Variants in OR4F15 observed in about 807,000 individuals in gnomAD.
OR4F15 encodes the protein olfactory receptor 4F15.
OR4F15 carries 7 observed loss-of-function variants against 11.9 expected under a neutral mutation model. The ratio of observed to expected loss-of-function variants is 0.59; its 90% confidence interval spans 0.33 to 1.10. The LOEUF (loss-of-function observed/expected upper bound fraction) is 1.10, where lower values mean the gene tolerates loss of function less well. Ranked by LOEUF, OR4F15 falls within the 50% of genes least tolerant of loss-of-function variation. The pLI is 0.03. For synonymous variants in OR4F15, 151 were observed against 134.6 expected, an observed-to-expected ratio of 1.12 and a Z score of -0.84; for missense variants, 445 against 377.5, an observed-to-expected ratio of 1.18 and a Z score of -1.48.
chr15:101,818,791 A>G lies in OR4F15; in HGVS notation c.605A>G (p.Asn202Ser), dbSNP rs1903049672. ...TQELEFMVTV[N>S]SGLISVGSFV... ...GAACTGGAGTTCATGGTCACTGTCA[A>G]TAGTGGACTCATTTCTGTGGGCTCC... Residue 202 changes from asparagine to serine, a missense_variant, in exon 2 of 2, where the codon AAT becomes AGT. Physicochemically the swap from Asn to Ser is conservative, Grantham distance 46. Coordinates refer to ENST00000332238, the MANE Select transcript of OR4F15 (RefSeq NM_001001674.2). 3.1e-6 allele frequency: 5 copies of G among 1,614,114 alleles called. No individual in the cohort carries two copies. Among genetic ancestry groups the G allele is most frequent in the Non-Finnish European group, 4.2e-6 (5 of 1,179,998 alleles).
intron 1 of OR4F15, among the ~76,000 whole-genome samples, chr15:101,817,408 CTGAT>C (rs761875913): frequency 1.8e-4 from 28 of 152,282 alleles, no homozygotes; most frequent in East Asian, 5.8e-4. Context: ...TATTATGTGA[CTGAT>C]TGTGTTGGTC....
intron 1 of OR4F15, 32 bp from the exon 2 acceptor site, chr15:101,818,118 G>T (rs1292774472): frequency 1.0e-5 from 10 of 997,612 alleles, no homozygotes; most frequent in Non-Finnish European, 1.5e-5. Context: ...ACTTGCCTAG[G>T]TAATTCTTTC....
chr15:101,813,515 A>G (rs551887017), intron 1 of OR4F15, among the ~76,000 whole-genome samples: 77 of 151,972 alleles, frequency 5.1e-4, no homozygotes, highest in African/African-American at 1.8e-3. Context: ...TCTCAAAAAA[A>G]AAAAAAAAAA....
Position 101,818,656 on chromosome 15 carries a change from T to G in OR4F15, c.470T>G (p.Leu157Trp), listed in dbSNP as rs1903045548. 6.2e-7 allele frequency: 1 copy of G among 1,614,146 alleles called. No homozygotes were observed. The highest frequency in any genetic ancestry group is 8.5e-7 in the Non-Finnish European group (1 of 1,179,972). Reference sequence around the variant, plus strand: ...TCTATCATTGGCCTTATCCACTCATTGGTCCAATTAGTTTTTGTGGTAGAT... The same window carrying G: ...TCTATCATTGGCCTTATCCACTCATGGGTCCAATTAGTTTTTGTGGTAGAT... ...TSSIIGLIHS[L>W]VQLVFVVDLP... Residue 157 changes from leucine (L) to tryptophan (W), a missense_variant, in exon 2 of 2, where the codon TTG (leucine) becomes TGG (tryptophan). By Grantham distance (61) the Leu-to-Trp change is moderately conservative. Transcript: ENST00000332238.
Position 101,819,939 on chromosome 15 carries a change from G to A in OR4F15, c.*814G>A, listed in dbSNP as rs767914770. On this transcript the variant is annotated 3_prime_UTR_variant, in exon 2 of 2. Coordinates refer to ENST00000332238, the MANE Select transcript of OR4F15 (RefSeq NM_001001674.2). ...TCTTTGGCCATCTACAAAATTGTTA[G>A]TCCTATATTTAGAATATTCAAATTT... 6.6e-6 allele frequency: 1 copy of A among 152,116 alleles called. No homozygotes were observed. The highest frequency in any genetic ancestry group is 2.4e-5 in the African/African-American group (1 of 41,428). The allele number at this position is 152,116 out of a possible 1,614,324, so 9.4% of individuals were successfully genotyped here.
chr15:101,817,252 A>G (rs560613066), intron 1 of OR4F15, among the ~76,000 whole-genome samples: 2 of 152,342 alleles, frequency 1.3e-5, no homozygotes, highest in East Asian at 3.9e-4. Context: ...CAGGATTGAA[A>G]TAGGGATACT....
Position 101,819,136 on chromosome 15 carries a change from T to C in OR4F15, c.*11T>C, listed in dbSNP as rs1170125046. 1 of 1,542,294 alleles carries C rather than the reference T, an allele frequency of 6.5e-7. No individual in the cohort carries two copies. Among genetic ancestry groups the C allele is most frequent in the Non-Finnish European group, 8.8e-7 (1 of 1,132,024 alleles). The stretch of plus-strand genomic sequence containing the variant: ...ACAAAGATTTTGTAAATGGCTTGGC[T>C]GTCAAGATGTGTAACTATGGATTAC... On this transcript the variant is annotated 3_prime_UTR_variant, in exon 2 of 2. Transcript: ENST00000332238.
intron 1 of OR4F15, among the ~76,000 whole-genome samples, chr15:101,816,352 G>A (rs1902988825): frequency 6.6e-6 from 1 of 152,056 alleles, no homozygotes; most frequent in African/African-American, 2.4e-5. Flanking sequence ...GGCAAGAAAC[G>A]GATTCTTTTC....
chr15:101,816,042 T>C (rs1020146626), intron 1 of OR4F15, among the ~76,000 whole-genome samples: 7 of 152,172 alleles, frequency 4.6e-5, no homozygotes, highest in Non-Finnish European at 8.8e-5. Context: ...CTTTAAGATT[T>C]TCCTTTTCCC....
At position 101,818,635 on chromosome 15, in the gene OR4F15, T is replaced by A. The variant is rs1903044557; in HGVS notation, c.449T>A (p.Ile150Asn). Residue 150 changes from isoleucine (I) to asparagine (N), a missense_variant, in exon 2 of 2, where the codon ATC becomes AAC. Transcript: ENST00000332238. ...CTATACTTTTTAGCCACTTCCTCTATCATTGGCCTTATCCACTCATTGGTC... is the reference window on the plus strand; with the variant it reads ...CTATACTTTTTAGCCACTTCCTCTAACATTGGCCTTATCCACTCATTGGTC... ...MCLYFLATSSIIGLIHSLVQL... is the reference protein window; with the variant it reads ...MCLYFLATSSNIGLIHSLVQL... The A allele has an allele frequency of 6.2e-7, 1 of 1,614,062 alleles. No homozygotes were observed. The highest frequency in any genetic ancestry group is 1.3e-5 in the African/African-American group (1 of 74,936).
chr15:101,819,122 G>A lies in OR4F15; in HGVS notation c.936G>A (p.Leu312=), dbSNP rs775164894. The change falls in exon 2 of 2, where the codon TTG becomes TTA. Residue 312 remains leucine (L), a synonymous_variant. Transcript: ENST00000332238. ...CSRLAHFTKI[L] Reference sequence around the variant, plus strand: ...GTCTTGCGCATTTTACAAAGATTTTGTAAATGGCTTGGCTGTCAAGATGTG... The same window carrying A: ...GTCTTGCGCATTTTACAAAGATTTTATAAATGGCTTGGCTGTCAAGATGTG... The A allele has an allele frequency of 1.8e-5, 29 of 1,590,412 alleles. No individual in the cohort carries two copies. The highest frequency in any genetic ancestry group is 1.0e-4 in the South Asian group (9 of 88,234).
rs2141622100 is a variant in OR4F15 at position 101,818,813 on chromosome 15, C to T, written c.627C>T (p.Gly209=). ...TCAATAGTGGACTCATTTCTGTGGG[C>T]TCCTTTGTCTTGCTGGTAATTTCCT... ...VTVNSGLISV[G]SFVLLVISYI... is the part of the protein sequence containing the mutation. The change falls in exon 2 of 2, where the codon GGC becomes GGT. Residue 209 remains glycine, a synonymous_variant. Coordinates refer to ENST00000332238, the MANE Select transcript of OR4F15 (RefSeq NM_001001674.2). 6.2e-7 allele frequency: 1 copy of T among 1,614,082 alleles called. No individual in the cohort carries two copies. The highest frequency in any genetic ancestry group is 8.5e-7 in the Non-Finnish European group (1 of 1,179,996).
chr15:101,818,589 A>G lies in OR4F15; in HGVS notation c.403A>G (p.Ile135Val), dbSNP rs1418761178. ...ATGTAAACCTCTCCACTACCTGACC[A>G]TCATGAGCCCAAGAATGTGTCTATA... The part of the protein sequence containing the change: ...AICKPLHYLT[I>V]MSPRMCLYFL... The change falls in exon 2 of 2, where the codon ATC (isoleucine) becomes GTC (valine). Residue 135 changes from isoleucine to valine, a missense_variant. Coordinates refer to ENST00000332238, the MANE Select transcript of OR4F15 (RefSeq NM_001001674.2). 4 of 1,614,160 alleles carry G rather than the reference A, an allele frequency of 2.5e-6. No individual in the cohort carries two copies. The highest frequency in any genetic ancestry group is 2.2e-5 in the South Asian group (2 of 91,074).
intron 1 of OR4F15, among the ~76,000 whole-genome samples, chr15:101,817,503 T>C (rs1903010515): frequency 2.0e-5 from 3 of 152,154 alleles, no homozygotes; most frequent in Admixed American, 1.3e-4. Flanking sequence ...TACATTTTAA[T>C]TGGAGAAATG....
intron 1 of OR4F15, among the ~76,000 whole-genome samples, chr15:101,813,536 C>T (rs1305369605): frequency 6.7e-6 from 1 of 148,732 alleles, no homozygotes; most frequent in Non-Finnish European, 1.5e-5. Flanking sequence ...ATGCATGATA[C>T]CTGTTCATAA....
chr15:101,817,940 G>A (rs1037966750), intron 1 of OR4F15, among the ~76,000 whole-genome samples: 11 of 152,108 alleles, frequency 7.2e-5, no homozygotes, highest in African/African-American at 2.4e-4. Context: ...GTCTAAGGAT[G>A]GAATTAATTT....
At chr15:101,814,449 G>C (rs895491612) in intron 1 of OR4F15, among the ~76,000 whole-genome samples, 1 of 152,078 alleles carries the variant, frequency 6.6e-6, no homozygotes, top group African/African-American at 2.4e-5. Context: ...TATCCTTCCT[G>C]TAGCAATGTA....
In OR4F15 at chr15:101,818,285, G is replaced by A. The variant is rs755327596; in HGVS notation, c.99G>A (p.Leu33=). Residue 33 remains leucine, a synonymous_variant, in exon 2 of 2, where the codon TTG becomes TTA. Coordinates refer to ENST00000332238, the MANE Select transcript of OR4F15 (RefSeq NM_001001674.2). ...TTCTACTTTTTGTTTTCTCTTTGTT[G>A]TTCTACTTTGCGAGCATGATGGGAA... The part of the protein sequence containing the change: ...IQLLLFVFSL[L]FYFASMMGNL... The A allele has an allele frequency of 2.0e-5, 33 of 1,613,850 alleles. No homozygotes were observed. Among genetic ancestry groups the A allele is most frequent in the Non-Finnish European group, 2.6e-5 (31 of 1,179,904 alleles).
rs1182225435 is a variant in OR4F15 at position 101,819,130 on chromosome 15, C to T, written c.*5C>T. 1.3e-6 allele frequency: 2 copies of T among 1,573,358 alleles called. No homozygotes were observed. The highest frequency in any genetic ancestry group is 1.7e-6 in the Non-Finnish European group (2 of 1,154,934). On this transcript the variant is annotated 3_prime_UTR_variant, in exon 2 of 2. Transcript: ENST00000332238. The stretch of plus-strand genomic sequence containing the variant: ...CATTTTACAAAGATTTTGTAAATGG[C>T]TTGGCTGTCAAGATGTGTAACTATG...
Sources: gnomAD v4.1 joint callset for allele counts (sites outside exome capture counted in the v4.1 genomes callset) on GRCh38, gnomAD v4.1.1 for gene constraint, MANE v1.5 for transcripts, NCBI Gene and HGNC (gene_info 2026-07-23, HGNC 2026-07-21) for gene names.